Variants in KCNT1 observed in about 807,000 individuals in gnomAD.
The protein encoded by KCNT1 is potassium channel subfamily T member 1.
Under a neutral mutation model 147.8 loss-of-function variants are expected in KCNT1, and 78 were observed. The observed-to-expected ratio is 0.53, with a 90% CI of 0.44 to 0.64. The LOEUF is 0.64. KCNT1 is among the 30% of genes least tolerant of loss of function. The pLI is 0.00. For missense variants in KCNT1, 1,419 were observed against 1,750.3 expected (o/e 0.81, Z 3.38); for synonymous variants, 867 against 748.8 (o/e 1.16, Z -2.58).
intron 3 of KCNT1, 44 bp downstream of exon 3, chr9:135,750,221 T>C (rs367636818): frequency 2.0e-5 from 31 of 1,530,682 alleles, no homozygotes; most frequent in Non-Finnish European, 2.8e-5. Flanking sequence ...AGGGAGGTGT[T>C]GAGGGCGCCG....
intron 20 of KCNT1, among the ~76,000 whole-genome samples, chr9:135,776,753 C>A (rs1384772015): frequency 3.3e-5 from 5 of 152,346 alleles, no homozygotes; most frequent in African/African-American, 7.2e-5. Context: ...GTTATTGATT[C>A]TGATGCTCGG....
intron 2 of KCNT1, among the ~76,000 whole-genome samples, chr9:135,718,392 T>G (rs1349921959): frequency 6.6e-6 from 1 of 152,166 alleles, no homozygotes; most frequent in Admixed American, 6.5e-5. Flanking sequence ...CTGCCGGCTC[T>G]GGGTGAGAAA....
intron 2 of KCNT1, among the ~76,000 whole-genome samples, chr9:135,734,802 A>G (rs1177238189): frequency 6.6e-6 from 1 of 152,066 alleles, no homozygotes; most frequent in Non-Finnish European, 1.5e-5. Flanking sequence ...CCGCATCCGC[A>G]GCCCAGGCAC....
chr9:135,703,373 G>T (rs1033694992), intron 1 of KCNT1, among the ~76,000 whole-genome samples: 1 of 152,184 alleles, frequency 6.6e-6, no homozygotes, highest in African/African-American at 2.4e-5. Flanking sequence ...CAGTTTCCCC[G>T]AGTGTAAAAT....
rs1163455129 is a variant in KCNT1 at position 135,772,922 on chromosome 9, C to T, written c.2216C>T (p.Ser739Leu). ...CAGTCGGAGGATGAGGTGACGCCGT[C>T]GGACGACGAGGGGCTCTCCGTGGTA... The part of the protein sequence containing the change: ...SDQSEDEVTP[S>L]DDEGLSVVEY... The change falls in exon 19 of 31, where the codon TCG (serine) becomes TTG (leucine). Residue 739 changes from serine to leucine, a missense_variant. Physicochemically the swap from Ser to Leu is moderately radical, Grantham distance 145. Around this residue, in one of 5 missense-constraint regions of KCNT1, gnomAD observed 284 missense variants for 292.8 expected, o/e 0.97. Coordinates refer to ENST00000371757, the MANE Select transcript of KCNT1 (RefSeq NM_020822.3). 7 of 1,525,574 alleles carry T rather than the reference C, an allele frequency of 4.6e-6. No individual in the cohort carries two copies. Among genetic ancestry groups the T allele is most frequent in the South Asian group, 1.3e-5 (1 of 79,848 alleles). The allele number at this position is 1,525,574 out of a possible 1,614,324, so 94.5% of individuals were successfully genotyped here. A position where few individuals can be genotyped will look rare whatever the true frequency, so the allele number is the denominator to read the frequency against.
At chr9:135,746,146 T>G (rs564446614) in intron 2 of KCNT1, among the ~76,000 whole-genome samples, 1 of 152,188 alleles carries the variant, frequency 6.6e-6, no homozygotes, top group African/African-American at 2.4e-5. Flanking sequence ...CACAGTTCAT[T>G]AAAAATTAAA....
chr9:135,739,035 C>T (rs1830454118), intron 2 of KCNT1, among the ~76,000 whole-genome samples: 1 of 152,090 alleles, frequency 6.6e-6, no homozygotes. Flanking sequence ...GCGGCCTTGC[C>T]CCTCCCAGCT....
intron 11 of KCNT1, among the ~76,000 whole-genome samples, chr9:135,760,691 CTCT>C (rs1187758554): frequency 6.6e-6 from 1 of 152,228 alleles, no homozygotes; most frequent in Admixed American, 6.5e-5. Flanking sequence ...CCAGGCCTGG[CTCT>C]TCTCCTCACT....
At chr9:135,760,118 G>A (rs1281327044) in intron 11 of KCNT1, among the ~76,000 whole-genome samples, 11 of 152,138 alleles carry the variant, frequency 7.2e-5, no homozygotes, top group Non-Finnish European at 4.4e-5. Context: ...TGGGTCTCCA[G>A]TGCCAGGGTG....
intron 24 of KCNT1, 92 bp downstream of exon 24, chr9:135,779,562 G>A: frequency 1.0e-6 from 1 of 965,538 alleles, no homozygotes; most frequent in Non-Finnish European, 1.6e-6. Context: ...AGTGCCATGG[G>A]AGGCTGGGCT....
Position 135,778,691 on chromosome 9 carries a change from G to A in KCNT1, c.2598G>A (p.Leu866=), listed in dbSNP as rs2131549376. 1 of 1,613,744 alleles carries A rather than the reference G, an allele frequency of 6.2e-7. No individual in the cohort carries two copies. The highest frequency in any genetic ancestry group is 1.6e-4 in the Middle Eastern group (1 of 6,062). ...GGGCCCTCGGTCCCGCCACCAGCCT[G>A]GACAGCCTGCTGCAGTGTGGCATCA... ...VYYMEGSVDN[L]DSLLQCGIIY... Residue 866 remains leucine, a synonymous_variant, in exon 23 of 31, where the codon CTG becomes CTA. Transcript: ENST00000371757.
intron 29 of KCNT1, chr9:135,790,277 G>A (rs1834393578): frequency 6.6e-6 from 1 of 152,296 alleles, no homozygotes. Context: ...GGCCACCCCA[G>A]AAGCGTGTGT....
chr9:135,774,008 G>A (rs1395002396), intron 19 of KCNT1, among the ~76,000 whole-genome samples: 2 of 152,124 alleles, frequency 1.3e-5, no homozygotes, highest in East Asian at 3.8e-4. Context: ...AGGGCATGGG[G>A]GTGGGTGTGC....
intron 2 of KCNT1, among the ~76,000 whole-genome samples, chr9:135,731,991 T>TATATATATATAGAGAGAGAGAGAG (rs1276318460): frequency 4.6e-5 from 1 of 21,744 alleles, no homozygotes; most frequent in Non-Finnish European, 8.4e-5. Context: ...TATATATATA[T>TATATATATATAGAGAGAGAGAGAG]AGAGAGAGAG....
intron 2 of KCNT1, among the ~76,000 whole-genome samples, chr9:135,726,272 C>T (rs1836135131): frequency 6.6e-6 from 1 of 152,054 alleles, no homozygotes; most frequent in Non-Finnish European, 1.5e-5. Context: ...GGGCCAGCAG[C>T]CCCCGGGGGA....
At chr9:135,709,044 G>A (rs542960257) in intron 1 of KCNT1, among the ~76,000 whole-genome samples, 34 of 152,254 alleles carry the variant, frequency 2.2e-4, no homozygotes, top group Non-Finnish European at 4.3e-4. Context: ...CGTGCATGAT[G>A]TATTCACTTT....
intron 10 of KCNT1, among the ~76,000 whole-genome samples, chr9:135,758,860 G>C (rs555689192): frequency 2.7e-4 from 41 of 152,356 alleles, no homozygotes; most frequent in African/African-American, 9.6e-4. Context: ...AGGCAGCCAG[G>C]GTAAAGGTGG....
intron 2 of KCNT1, among the ~76,000 whole-genome samples, chr9:135,728,743 A>T (rs1442413187): frequency 6.6e-6 from 1 of 152,232 alleles, no homozygotes; most frequent in Non-Finnish European, 1.5e-5. Flanking sequence ...CGGCCCCGGC[A>T]TGTGCTCAGC....
At chr9:135,760,139 C>T (rs1470003590) in intron 11 of KCNT1, among the ~76,000 whole-genome samples, 2 of 152,140 alleles carry the variant, frequency 1.3e-5, no homozygotes, top group African/African-American at 2.4e-5. Context: ...ACCTGCCCCT[C>T]CCAGGCCCAG....
Sources: allele counts gnomAD v4.1 joint callset (sites outside exome capture counted in the v4.1 genomes callset), GRCh38; gene constraint gnomAD v4.1.1; regional missense constraint gnomAD v4.1.1; transcripts MANE v1.5; gene names NCBI Gene and HGNC (gene_info 2026-07-23, HGNC 2026-07-21).